CDON: variants seen among roughly 807,000 people sequenced by gnomAD.
The protein encoded by CDON is cell adhesion associated, oncogene regulated.
CDON carries 73 observed loss-of-function variants against 120.9 expected under a neutral mutation model. The observed-to-expected ratio is 0.60, with a 90% CI of 0.50 to 0.73. The LOEUF (loss-of-function observed/expected upper bound fraction) is 0.73. Among genes scored for constraint, CDON ranks in the 30% least tolerant of loss-of-function variants. The pLI, the probability that CDON is intolerant of heterozygous loss-of-function variation, is 0.00. For synonymous variants in CDON, 566 were observed against 573.5 expected (o/e 0.99, Z 0.19); for missense variants, 1,470 against 1,587.3 (o/e 0.93, Z 1.26).
intron 10 of CDON, among the ~76,000 whole-genome samples, chr11:126,002,112 G>T (rs901436170): frequency 2.6e-5 from 4 of 152,040 alleles, no homozygotes; most frequent in African/African-American, 9.7e-5. Context: ...AAAAAAATAG[G>T]TGAAAAAGCC....
In CDON at chr11:126,003,982, C is replaced by T. The variant is rs573535706; in HGVS notation, c.1946G>A (p.Ser649Asn). The T allele has an allele frequency of 6.2e-6, 10 of 1,614,090 alleles. No homozygotes were observed. In the South Asian group the frequency reaches 1.1e-4, roughly 18 times the overall value. Reference protein sequence around the residue: ...ELHLAELEPSSLYEVLMVARS... With the variant: ...ELHLAELEPSNLYEVLMVARS... The stretch of plus-strand genomic sequence containing the variant: ...TGCTACCATCAAGACTTCATAAAGA[C>T]TAGATGGCTCCAGCTCAGCTAAATG... Residue 649 changes from serine to asparagine, a missense_variant, in exon 10 of 20, where the codon AGT becomes AAT. By Grantham distance (46) the Ser-to-Asn change is conservative (BLOSUM62 1). Transcript: ENST00000531738.
intron 18 of CDON, among the ~76,000 whole-genome samples, chr11:125,970,924 C>T (rs1945963590): frequency 6.6e-6 from 1 of 152,140 alleles, no homozygotes; most frequent in Non-Finnish European, 1.5e-5. Context: ...TAAAATTCAA[C>T]ACAGCACTCT....
chr11:126,001,593 T>C lies in CDON; in HGVS notation c.2158+126A>G, dbSNP rs117774102. The C allele has an allele frequency of 0.028, 21,809 of 779,844 alleles. 384 individuals carry two copies. The highest frequency in any genetic ancestry group is 0.049 in the Middle Eastern group (132 of 2,714). The allele number at this position is 779,844 out of a possible 1,614,324, so 48.3% of individuals were successfully genotyped here. On this transcript the variant is annotated intron_variant, in intron 11 of 19. Coordinates refer to ENST00000531738, the MANE Select transcript of CDON (RefSeq NM_001378964.1). The stretch of plus-strand genomic sequence containing the variant: ...ATATAGGACATTAAAATTGTTGAAA[T>C]AGAACCTAAAAGAACTGTATGGTAA...
chr11:125,969,361 C>T (rs1476504847), intron 18 of CDON, among the ~76,000 whole-genome samples: 3 of 152,086 alleles, frequency 2.0e-5, no homozygotes, highest in African/African-American at 7.2e-5. Context: ...TAGATGATCA[C>T]AAAAATCATA....
rs1467557396 is a variant in CDON at position 126,026,231 on chromosome 11, A to G, written c.-61-2694T>C. On this transcript the variant is annotated intron_variant, in intron 1 of 19. Transcript: ENST00000531738. ...TGTTTATTCCTTCACTCACTTATTC[A>G]TTCATATGTATAATTTTAAAAATCA... is the stretch of plus-strand genomic sequence containing the variant. Among the ~76,000 whole-genome samples the G allele has an allele frequency of 2.0e-5, 3 of 152,202 alleles. No homozygotes were observed. The East Asian group carries it at 5.8e-4, about 29-fold the overall frequency.
chr11:125,981,096 G>A lies in CDON; in HGVS notation c.3229C>T (p.Leu1077=), dbSNP rs1946281152. 1 of 1,614,190 alleles carries A rather than the reference G, an allele frequency of 6.2e-7. No homozygotes were observed. The change falls in exon 17 of 20, where the codon CTA becomes TTA. Residue 1077 remains leucine (L), a synonymous_variant. Transcript: ENST00000531738. ...GGLYSGHSNS[L]TRTHVDFEHP... ...TCAAAATCCACGTGTGTCCTGGTTA[G>A]AGAGTTGCTGTGCCCGGAGTAAAGC... is the stretch of plus-strand genomic sequence containing the variant.
At chr11:126,018,536 A>C in intron 4 of CDON, 63 bp from the exon 5 acceptor site, 1 of 1,381,560 alleles carries the variant, frequency 7.2e-7, no homozygotes, top group South Asian at 1.2e-5. Context: ...AGCACAACTA[A>C]AACTCACAAA....
chr11:125,966,881 AAAG>A (rs1260995016), intron 18 of CDON, among the ~76,000 whole-genome samples: 1 of 152,142 alleles, frequency 6.6e-6, no homozygotes, highest in Non-Finnish European at 1.5e-5. Context: ...TTAAAAAAAA[AAAG>A]AAAAAACCTT....
At chr11:126,043,088 A>T (rs1948309423) in intron 1 of CDON, among the ~76,000 whole-genome samples, 1 of 152,232 alleles carries the variant, frequency 6.6e-6, no homozygotes, top group Admixed American at 6.5e-5. Flanking sequence ...TCTGCATGGC[A>T]GGTGGGAAAC....
At chr11:126,028,831 G>C (rs1220510552) in intron 1 of CDON, among the ~76,000 whole-genome samples, 1 of 150,954 alleles carries the variant, frequency 6.6e-6, no homozygotes, top group African/African-American at 2.5e-5. Context: ...ATGTGTGTGT[G>C]TGTATATATA....
chr11:125,982,468 C>CCT (rs1946340185), intron 16 of CDON, among the ~76,000 whole-genome samples: 1 of 152,032 alleles, frequency 6.6e-6, no homozygotes, highest in Admixed American at 6.5e-5. Flanking sequence ...ATTAGGTGTC[C>CCT]CTCCTTTCCT....
chr11:126,013,584 T>C (rs1327963778), intron 7 of CDON, among the ~76,000 whole-genome samples: 3 of 152,188 alleles, frequency 2.0e-5, no homozygotes, highest in African/African-American at 7.2e-5. Flanking sequence ...TAATTTTTTG[T>C]CACAAAATTT....
At chr11:126,008,972 T>C (rs1947210393) in intron 8 of CDON, among the ~76,000 whole-genome samples, 1 of 152,184 alleles carries the variant, frequency 6.6e-6, no homozygotes, top group Non-Finnish European at 1.5e-5. Flanking sequence ...CCAGACACCA[T>C]TCTAAGCACT....
chr11:126,050,453 TAACA>T (rs1156642267), intron 1 of CDON, among the ~76,000 whole-genome samples: 1 of 151,012 alleles, frequency 6.6e-6, no homozygotes, highest in Non-Finnish European at 1.5e-5. Flanking sequence ...ATTTCCATTC[TAACA>T]AAGATTTTAC....
chr11:125,966,614 CAAG>C (rs1945808379), intron 18 of CDON, among the ~76,000 whole-genome samples: 1 of 152,114 alleles, frequency 6.6e-6, no homozygotes, highest in Non-Finnish European at 1.5e-5. Flanking sequence ...GCCGCAGATC[CAAG>C]AAGCTCTGTG....
At position 125,997,323 on chromosome 11, in the gene CDON, G is replaced by A. The variant is rs757737281; in HGVS notation, c.2246C>T (p.Ser749Phe). The change falls in exon 12 of 20, where the codon TCT (serine) becomes TTT (phenylalanine). Residue 749 changes from serine to phenylalanine, a missense_variant. Ser to Phe is a radical substitution (Grantham distance 155). Coordinates refer to ENST00000531738, the MANE Select transcript of CDON (RefSeq NM_001378964.1). ...TTCGACTTTGAAGGCAGTGATTGGA[G>A]AACCCCCGTTTGCCCGAGGAATCCA... ...VTWIPRANGG[S>F]PITAFKVEYK... The A allele has an allele frequency of 1.9e-6, 3 of 1,614,046 alleles. No homozygotes were observed. The highest frequency in any genetic ancestry group is 8.5e-7 in the Non-Finnish European group (1 of 1,179,922).
chr11:126,055,495 A>G (rs1304025217), intron 1 of CDON, among the ~76,000 whole-genome samples: 1 of 152,258 alleles, frequency 6.6e-6, no homozygotes, highest in Non-Finnish European at 1.5e-5. Context: ...CTATATTTAC[A>G]GATACAAGAT....
upstream of CDON, among the ~76,000 whole-genome samples, chr11:126,063,070 CGGGGGCACGGGCCGTACCAAGTGACGGA>C (rs1555142787): frequency 5.3e-5 from 8 of 151,826 alleles, no homozygotes; most frequent in Non-Finnish European, 1.2e-4. Context: ...AGATCAGCGG[CGGGGGCACGGGCCGTACCAAGTGACGGA>C]GGGGGGCACG....
intron 18 of CDON, among the ~76,000 whole-genome samples, chr11:125,974,390 A>AAGGGAGGG (rs149644937): frequency 2.2e-5 from 1 of 46,048 alleles, no homozygotes; most frequent in East Asian, 6.1e-4. Flanking sequence ...GGAAGGAAGG[A>AAGGGAGGG]AGGGAGGGAG....
Sources: gnomAD v4.1 joint callset for allele counts (sites outside exome capture counted in the v4.1 genomes callset) on GRCh38, gnomAD v4.1.1 for gene constraint, MANE v1.5 for transcripts, NCBI Gene and HGNC (gene_info 2026-07-23, HGNC 2026-07-21) for gene names.